UFD1: variants seen among roughly 807,000 people sequenced by gnomAD.
The protein encoded by UFD1 is ubiquitin recognition factor in ER associated degradation 1, also known as ubiquitin recognition factor in ER-associated degradation protein 1.
In UFD1, 13 loss-of-function variants were observed where a neutral mutation model predicts 45.9. That is an observed-to-expected ratio of 0.28 (90% CI 0.18 to 0.45). The LOEUF (loss-of-function observed/expected upper bound fraction) is 0.45, where lower values mean the gene tolerates loss of function less well. Ranked by LOEUF, UFD1 falls within the 20% of genes least tolerant of loss-of-function variation. UFD1 has a pLI of 1.00. For missense variants in UFD1, 218 were observed against 389.2 expected, an observed-to-expected ratio of 0.56 and a Z score of 3.70; for synonymous variants, 128 against 139.2, an observed-to-expected ratio of 0.92 and a Z score of 0.56.
At chr22:19,471,577 T>C in intron 4 of UFD1, 110 bp downstream of exon 4, 1 of 1,483,838 alleles carries the variant, frequency 6.7e-7, no homozygotes, top group South Asian at 1.2e-5. Context: ...GCTAAGACGC[T>C]GAGCAGGAGG....
At chr22:19,451,232 G>C (rs975550982) in intron 11 of UFD1, 2 of 985,896 alleles carry the variant, frequency 2.0e-6, no homozygotes, top group Non-Finnish European at 2.4e-6. Context: ...GAAATCTCAT[G>C]CCAATAAACT....
At chr22:19,477,326 G>A (rs2089889872) in intron 1 of UFD1, among the ~76,000 whole-genome samples, 1 of 152,172 alleles carries the variant, frequency 6.6e-6, no homozygotes, top group Non-Finnish European at 1.5e-5. Flanking sequence ...TAAACAAATT[G>A]TGGTATGGTA....
chr22:19,475,379 C>T, intron 2 of UFD1, 91 bp downstream of exon 2: 2 of 1,544,630 alleles, frequency 1.3e-6, no homozygotes, highest in Non-Finnish European at 1.8e-6. Context: ...TAGCTTCTGA[C>T]TCCCACATGC....
intron 5 of UFD1, chr22:19,466,858 A>C (rs1178810250): frequency 2.0e-5 from 3 of 152,266 alleles, no homozygotes; most frequent in Admixed American, 2.0e-4. Flanking sequence ...CAACACATGT[A>C]AAAACCCTGA....
At chr22:19,458,970 CA>C (rs1418358792) in intron 6 of UFD1, among the ~76,000 whole-genome samples, 1 of 152,122 alleles carries the variant, frequency 6.6e-6, no homozygotes, top group Non-Finnish European at 1.5e-5. Context: ...TACAGTTGGG[CA>C]AAATCATCTA....
intron 1 of UFD1, among the ~76,000 whole-genome samples, chr22:19,477,596 G>C (rs2089893167): frequency 6.6e-6 from 1 of 152,092 alleles, no homozygotes; most frequent in Admixed American, 6.6e-5. Context: ...AGATGAAAAA[G>C]TTCTGAAAAT....
intron 6 of UFD1, among the ~76,000 whole-genome samples, chr22:19,462,057 T>C (rs1206308418): frequency 6.6e-6 from 1 of 152,198 alleles, no homozygotes; most frequent in Non-Finnish European, 1.5e-5. Flanking sequence ...TAGAGTGCAG[T>C]GGCACGGTCA....
intron 11 of UFD1, chr22:19,453,081 C>T (rs1010144774): frequency 9.1e-6 from 9 of 985,454 alleles, no homozygotes; most frequent in East Asian, 1.1e-4. Context: ...GTGGCCTTCA[C>T]TTCAGAGATA....
Position 19,450,744 on chromosome 22 carries a change from C to T in UFD1, c.850G>A (p.Asp284Asn), listed in dbSNP as rs1253989207. 6.2e-7 allele frequency: 1 copy of T among 1,614,112 alleles called. No individual in the cohort carries two copies. The highest frequency in any genetic ancestry group is 8.5e-7 in the Non-Finnish European group (1 of 1,180,016). Residue 284 changes from aspartate (D) to asparagine (N), a missense_variant and splice_region_variant, in exon 12 of 12, where the codon GAT (aspartate) becomes AAT (asparagine). Around this residue, in one of 2 missense-constraint regions of UFD1, gnomAD observed 69 missense variants for 81.7 expected, o/e 0.84. Transcript: ENST00000263202. Reference protein sequence around the residue: ...SRPLVKKVEEDEAGGRFVAFS... With the variant: ...SRPLVKKVEENEAGGRFVAFS... Reference sequence around the variant, plus strand: ...GCGACGAATCTGCCTCCAGCTTCATCCTAGGTTTGAAGAGAAGATACTATT... The same window carrying T: ...GCGACGAATCTGCCTCCAGCTTCATTCTAGGTTTGAAGAGAAGATACTATT...
At chr22:19,467,845 A>G (rs1049593955) in intron 5 of UFD1, 28 bp downstream of exon 5, 1 of 1,612,688 alleles carries the variant, frequency 6.2e-7, no homozygotes, top group Non-Finnish European at 8.5e-7. Flanking sequence ...CTTTGTCTAG[A>G]AGAACTCCGC....
At chr22:19,462,588 C>T (rs942951668) in intron 6 of UFD1, among the ~76,000 whole-genome samples, 1 of 151,936 alleles carries the variant, frequency 6.6e-6, no homozygotes, top group African/African-American at 2.4e-5. Flanking sequence ...GAGAATTGCT[C>T]GAACCCAGGA....
chr22:19,466,275 G>T (rs1237201757), intron 5 of UFD1: 1 of 152,354 alleles, frequency 6.6e-6, no homozygotes, highest in Non-Finnish European at 1.5e-5. Flanking sequence ...TGCAGCAGCT[G>T]GAGGAGCAGA....
At chr22:19,454,204 C>T (rs2089704702) in intron 11 of UFD1, 1 of 987,790 alleles carries the variant, frequency 1.0e-6, no homozygotes. Context: ...TGCAAGTCTT[C>T]TGTTTCATAC....
At chr22:19,459,635 GCAAA>G (rs777872137) in intron 6 of UFD1, among the ~76,000 whole-genome samples, 29 of 149,106 alleles carry the variant, frequency 1.9e-4, no homozygotes, top group Non-Finnish European at 1.9e-4. Flanking sequence ...AAACAAACAA[GCAAA>G]CAAACAAACT....
chr22:19,455,902 A>G, intron 9 of UFD1, 134 bp from the exon 10 acceptor site: 1 of 761,254 alleles, frequency 1.3e-6, no homozygotes, highest in Non-Finnish European at 2.2e-6. Context: ...CTGACTCCTC[A>G]ACTGCTGGGG....
rs150504274 is a variant in UFD1 at position 19,464,393 on chromosome 22, C to CA, written c.495+808dup. On this transcript the variant is annotated intron_variant, in intron 6 of 11. Coordinates refer to ENST00000263202, the MANE Select transcript of UFD1 (RefSeq NM_005659.7). ...GTCAATTGTCAACAGTCACAGTGAACAGGGGCACCCATATTACTGTGCTCC... is the reference window on the plus strand; with the variant it reads ...GTCAATTGTCAACAGTCACAGTGAACAAGGGGCACCCATATTACTGTGCTCC... 1.8e-4 allele frequency among the ~76,000 whole-genome samples: 27 copies of CA among 152,354 alleles called. No homozygotes were observed. In the East Asian group the frequency reaches 4.6e-3, roughly 26 times the overall value.
At position 19,479,134 on chromosome 22, in the gene UFD1, G is replaced by A; in HGVS notation, c.-49C>T. On this transcript the variant is annotated 5_prime_UTR_variant, in exon 1 of 12. Transcript: ENST00000263202. Reference sequence around the variant, plus strand: ...CGCTCCTCTCAGGCAATGCAACGAAGAAACCCCGCCGACCGCTCTCCCAGC... The same window carrying A: ...CGCTCCTCTCAGGCAATGCAACGAAAAAACCCCGCCGACCGCTCTCCCAGC... 6.2e-7 allele frequency: 1 copy of A among 1,605,048 alleles called. No individual in the cohort carries two copies. Among genetic ancestry groups the A allele is most frequent in the Non-Finnish European group, 8.5e-7 (1 of 1,176,576 alleles).
Position 19,475,054 on chromosome 22 carries a change from C to T in UFD1, c.169+14G>A. The T allele has an allele frequency of 6.2e-7, 1 of 1,608,406 alleles. No homozygotes were observed. Among genetic ancestry groups the T allele is most frequent in the Non-Finnish European group, 8.5e-7 (1 of 1,177,930 alleles). The stretch of plus-strand genomic sequence containing the variant: ...ACATTATCTAAGTCCTTAAGTCACT[C>T]AGAAGATACTTACTGAGTTGGTCCA... On this transcript the variant is annotated intron_variant, in intron 3 of 11. Transcript: ENST00000263202.
At position 19,457,962 on chromosome 22, in the gene UFD1, A is replaced by T. The variant is rs1369869199; in HGVS notation, c.564+109T>A. The stretch of plus-strand genomic sequence containing the variant: ...GACAGCATCTTCCTCCTCTTTACCC[A>T]GAGTCCCAGGGGCTGTTTGATGCCC... On this transcript the variant is annotated intron_variant, in intron 7 of 11. Coordinates refer to ENST00000263202, the MANE Select transcript of UFD1 (RefSeq NM_005659.7). The T allele has an allele frequency of 1.3e-5, 14 of 1,105,412 alleles. No individual in the cohort carries two copies. The African/African-American group carries it at 2.0e-4, about 16-fold the overall frequency. The allele number at this position is 1,105,412 out of a possible 1,614,324, so 68.5% of individuals were successfully genotyped here.
Sources: gnomAD v4.1 joint callset for allele counts (sites outside exome capture counted in the v4.1 genomes callset) on GRCh38, gnomAD v4.1.1 for gene constraint, gnomAD v4.1.1 regional missense constraint, MANE v1.5 for transcripts, NCBI Gene and HGNC (gene_info 2026-07-23, HGNC 2026-07-21) for gene names.